The following CIT variants were observed in gnomAD, a reference collection of about 807,000 sequenced individuals.
CIT encodes the protein citron Rho-interacting kinase.
A neutral mutation model predicts 272.7 loss-of-function variants in CIT; 79 were observed. The ratio of observed to expected loss-of-function variants is 0.29; its 90% CI spans 0.24 to 0.35. The LOEUF (loss-of-function observed/expected upper bound fraction) is 0.35. Among genes scored for constraint, CIT ranks in the 10% least tolerant of loss-of-function variants. The pLI is 1.00. For synonymous variants in CIT, 948 were observed against 995.6 expected, an observed-to-expected ratio of 0.95 and a Z score of 0.90; for missense variants, 1,909 against 2,618.3, an observed-to-expected ratio of 0.73 and a Z score of 5.91.
In CIT at chr12:119,729,451, T is replaced by C. The variant is rs1351116304; in HGVS notation, c.3487-845A>G. Reference sequence around the variant, plus strand: ...GTTCAAATTTCCAATACAAGTATAATGATTCAAGTAGGTACTTCCATGCAA... The same window carrying C: ...GTTCAAATTTCCAATACAAGTATAACGATTCAAGTAGGTACTTCCATGCAA... On this transcript the variant is annotated intron_variant, in intron 27 of 47. Coordinates refer to ENST00000392521, the MANE Select transcript of CIT (RefSeq NM_001206999.2). 2.0e-5 allele frequency among the ~76,000 whole-genome samples: 3 copies of C among 152,238 alleles called. No homozygotes were observed. The East Asian group carries it at 5.8e-4, about 29-fold the overall frequency.
At chr12:119,760,626 CAA>C (rs55758251) in intron 20 of CIT, among the ~76,000 whole-genome samples, 48 of 119,170 alleles carry the variant, frequency 4.0e-4, no homozygotes, top group Non-Finnish European at 4.6e-4. Flanking sequence ...AACCCCACCT[CAA>C]AAAAAAAAAA....
chr12:119,842,067 T>C (rs1969446723), intron 5 of CIT, among the ~76,000 whole-genome samples: 1 of 151,866 alleles, frequency 6.6e-6, no homozygotes, highest in Non-Finnish European at 1.5e-5. Flanking sequence ...AAAACCACAG[T>C]AGGAAAAACA....
rs1957114796 is a variant in CIT at position 119,710,542 on chromosome 12, G to T, written c.4933C>A (p.Gln1645Lys). 8.1e-6 allele frequency: 13 copies of T among 1,614,094 alleles called. No individual in the cohort carries two copies. Among genetic ancestry groups the T allele is most frequent in the Non-Finnish European group, 1.1e-5 (13 of 1,179,932 alleles). ...DMNCTLPFSD[Q>K]VVLVGTEEGL... ...GGCCGTGCCCATGCAAGCATTACCT[G>T]GTCACTGAAGGGCAGCGTGCAGTTC... Residue 1645 changes from glutamine to lysine, a missense_variant and splice_region_variant, in exon 38 of 48, where the codon CAG becomes AAG. By Grantham distance (53) the Gln-to-Lys change is moderately conservative (BLOSUM62 1). Around this residue, in one of 8 missense-constraint regions of CIT, gnomAD observed 780 missense variants for 1,067.2 expected, o/e 0.73. Transcript: ENST00000392521. This position sits in a 1 kb window ranked among gnomAD's most constrained non-coding sequence, Gnocchi z 5.6.
chr12:119,781,701 A>G (rs1964305575), intron 13 of CIT, among the ~76,000 whole-genome samples: 1 of 152,202 alleles, frequency 6.6e-6, no homozygotes, highest in Non-Finnish European at 1.5e-5. Flanking sequence ...AAAGGTCTCG[A>G]TTCTCCTTTC....
At position 119,784,768 on chromosome 12, in the gene CIT, T is replaced by G; in HGVS notation, c.1401+192A>C. On this transcript the variant is annotated intron_variant, in intron 11 of 47. Transcript: ENST00000392521. This position sits in a 1 kb window ranked among gnomAD's most constrained non-coding sequence, Gnocchi z 4.7. ...CTCCTCTGGTTTAGATTTAAAGGAT[T>G]TACAGCAACAGCAAGGCCCGAATTC... 1 of 1,421,224 alleles carries G rather than the reference T, an allele frequency of 7.0e-7. No homozygotes were observed. Among genetic ancestry groups the G allele is most frequent in the Non-Finnish European group, 9.2e-7 (1 of 1,091,584 alleles). The allele number at this position is 1,421,224 out of a possible 1,614,324, so 88.0% of individuals were successfully genotyped here.
chr12:119,713,209 T>A lies in CIT; in HGVS notation c.4573A>T (p.Arg1525Ter). 1 of 1,613,178 alleles carries A rather than the reference T, an allele frequency of 6.2e-7. No individual in the cohort carries two copies. The highest frequency in any genetic ancestry group is 1.1e-5 in the South Asian group (1 of 91,018). ...CCCTGAATTATTAATTTACCTTCTC[T>A]GGCTTCATTGTCATAAATGAGGACT... The part of the protein sequence containing the change: ...SKVLIYDNEA[R>*]EAGQRPVEEF... Residue 1525 changes from arginine to a stop codon, truncating the protein, a stop_gained, in exon 35 of 48, where the codon AGA (arginine) becomes TGA (stop). Coordinates refer to ENST00000392521, the MANE Select transcript of CIT (RefSeq NM_001206999.2). LOFTEE classifies it high-confidence loss of function. This position sits in a 1 kb window ranked among gnomAD's most constrained non-coding sequence, Gnocchi z 5.2.
At chr12:119,822,006 T>A (rs1967765752) in intron 9 of CIT, among the ~76,000 whole-genome samples, 1 of 152,160 alleles carries the variant, frequency 6.6e-6, no homozygotes, top group Non-Finnish European at 1.5e-5. Flanking sequence ...ACATCTCCAA[T>A]CAGAAGCCTG....
At chr12:119,779,220 AAATT>A (rs1027247059) in intron 13 of CIT, among the ~76,000 whole-genome samples, 3 of 152,014 alleles carry the variant, frequency 2.0e-5, no homozygotes, top group South Asian at 2.1e-4. Context: ...ACTCTATCTC[AAATT>A]AATTAATTAA....
chr12:119,730,700 G>T, intron 26 of CIT, 70 bp from the exon 27 acceptor site: 1 of 1,546,206 alleles, frequency 6.5e-7, no homozygotes, highest in African/African-American at 1.4e-5. Context: ...AGGCTGGTCC[G>T]TCTCTAATCC....
chr12:119,850,932 A>C (rs1970186658), intron 4 of CIT, among the ~76,000 whole-genome samples: 1 of 152,248 alleles, frequency 6.6e-6, no homozygotes, highest in Non-Finnish European at 1.5e-5. Flanking sequence ...CAACAAAGAC[A>C]GTAGATTGGA....
Position 119,767,071 on chromosome 12 carries a change from C to A in CIT, c.2304+16G>T. On this transcript the variant is annotated intron_variant, in intron 19 of 47. Transcript: ENST00000392521. Reference sequence around the variant, plus strand: ...CTATAGGAGCAAGGCCAGGGAAGATCAGAAAATGTCTTTACTTTAATCTTT... The same window carrying A: ...CTATAGGAGCAAGGCCAGGGAAGATAAGAAAATGTCTTTACTTTAATCTTT... The A allele has an allele frequency of 6.3e-7, 1 of 1,596,870 alleles. No individual in the cohort carries two copies. Among genetic ancestry groups the A allele is most frequent in the Non-Finnish European group, 8.6e-7 (1 of 1,169,204 alleles).
chr12:119,782,800 T>C (rs1016241796), intron 12 of CIT, 163 bp from the exon 13 acceptor site: 40 of 729,248 alleles, frequency 5.5e-5, no homozygotes, highest in Non-Finnish European at 2.6e-5. Flanking sequence ...GTTTCCATCC[T>C]GTAAAACCCC....
At chr12:119,862,478 A>G (rs1950370307) in intron 3 of CIT, among the ~76,000 whole-genome samples, 1 of 152,018 alleles carries the variant, frequency 6.6e-6, no homozygotes, top group Non-Finnish European at 1.5e-5. Context: ...CCTCGCCCCT[A>G]CAAAATTCAT....
At chr12:119,829,170 T>A (rs1012948690) in intron 7 of CIT, among the ~76,000 whole-genome samples, 3 of 152,112 alleles carry the variant, frequency 2.0e-5, no homozygotes, top group African/African-American at 7.2e-5. Flanking sequence ...AAACCCCATC[T>A]CTACTAAAAA....
chr12:119,738,936 A>T lies in CIT; in HGVS notation c.2958+3475T>A, dbSNP rs146523392. Among the ~76,000 whole-genome samples the T allele has an allele frequency of 2.6e-3, 400 of 151,970 alleles. 3 individuals are homozygous for T. Among genetic ancestry groups the T allele is most frequent in the African/African-American group, 8.9e-3 (370 of 41,430 alleles). On this transcript the variant is annotated intron_variant, in intron 24 of 47. Coordinates refer to ENST00000392521, the MANE Select transcript of CIT (RefSeq NM_001206999.2). The stretch of plus-strand genomic sequence containing the variant: ...CTCAGTGTCAAAAAGAAAAAAAAAC[A>T]GCTCTGTTTGGGCTTATCTGTTGTT...
intron 7 of CIT, among the ~76,000 whole-genome samples, chr12:119,830,258 C>G (rs911702372): frequency 6.6e-5 from 10 of 151,586 alleles, no homozygotes; most frequent in African/African-American, 2.4e-4. Context: ...TATAGAGTGT[C>G]ATATCTCCTT....
intron 46 of CIT, among the ~76,000 whole-genome samples, chr12:119,696,521 C>T (rs1467491751): frequency 6.6e-6 from 1 of 151,344 alleles, no homozygotes. Context: ...TCTGGAAGTG[C>T]CCTTCCCATC....
At chr12:119,701,178 A>G (rs1956540427) in intron 43 of CIT, among the ~76,000 whole-genome samples, 1 of 119,780 alleles carries the variant, frequency 8.3e-6, no homozygotes, top group Non-Finnish European at 1.7e-5. Context: ...GACTCAGGAA[A>G]GAAGGGAAGG....
Position 119,869,194 on chromosome 12 carries a change from G to A in CIT, c.104C>T (p.Pro35Leu). 2 of 1,596,376 alleles carry A rather than the reference G, an allele frequency of 1.3e-6. No homozygotes were observed. Among genetic ancestry groups the A allele is most frequent in the Non-Finnish European group, 1.7e-6 (2 of 1,175,514 alleles). The part of the protein sequence containing the change: ...SRLNLFFQGK[P>L]PFMTQQQMSP... ...CATCTGCTGTTGAGTCATAAAGGGT[G>A]GTTTCCCCTAAAAACAGCAAACAGC... The change falls in exon 3 of 48, where the codon CCA becomes CTA. Residue 35 changes from proline (P) to leucine (L), a missense_variant. By Grantham distance (98) the Pro-to-Leu change is moderately conservative. Around this residue, in one of 8 missense-constraint regions of CIT, gnomAD observed 529 missense variants for 549.6 expected, o/e 0.96. Coordinates refer to ENST00000392521, the MANE Select transcript of CIT (RefSeq NM_001206999.2).
Sources: allele counts gnomAD v4.1 joint callset (sites outside exome capture counted in the v4.1 genomes callset), GRCh38; gene constraint gnomAD v4.1.1; regional missense constraint gnomAD v4.1.1; non-coding constraint Gnocchi (gnomAD v3.1); transcripts MANE v1.5; gene names NCBI Gene and HGNC (gene_info 2026-07-23, HGNC 2026-07-21).